Variants in BBX observed in about 807,000 individuals in gnomAD.
The protein encoded by BBX is BBX high mobility group box domain containing.
BBX carries 30 observed loss-of-function variants against 100.2 expected under a neutral mutation model. The ratio of observed to expected loss-of-function variants is 0.30; its 90% CI spans 0.22 to 0.41. BBX has a LOEUF of 0.41. BBX is among the 10% of genes least tolerant of loss of function. The pLI, the probability that BBX is intolerant of heterozygous loss-of-function variation, is 1.00. For synonymous variants in BBX, 376 were observed against 388.1 expected, an observed-to-expected ratio of 0.97 and a Z score of 0.37; for missense variants, 1,023 against 1,129.8, an observed-to-expected ratio of 0.91 and a Z score of 1.35.
intron 9 of BBX, among the ~76,000 whole-genome samples, chr3:107,748,674 C>T (rs1028619937): frequency 2.0e-5 from 3 of 152,132 alleles, no homozygotes; most frequent in Non-Finnish European, 2.9e-5. Context: ...TGGCCTCAAC[C>T]ATATGCTCAT....
intron 10 of BBX, 94 bp from the exon 11 acceptor site, chr3:107,772,534 A>G: frequency 7.7e-7 from 1 of 1,297,342 alleles, no homozygotes; most frequent in Non-Finnish European, 1.0e-6. Context: ...TGTTTTGATT[A>G]TTTTTAAAAC....
chr3:107,749,761 G>A (rs1385857355), intron 9 of BBX, among the ~76,000 whole-genome samples: 1 of 151,892 alleles, frequency 6.6e-6, no homozygotes, highest in Non-Finnish European at 1.5e-5. Flanking sequence ...AGCCTCCTGA[G>A]TAGCTGGGAT....
intron 2 of BBX, among the ~76,000 whole-genome samples, chr3:107,603,580 A>G (rs998567782): frequency 8.2e-5 from 12 of 146,424 alleles, no homozygotes; most frequent in African/African-American, 2.5e-4. Flanking sequence ...GGGTTTCACC[A>G]TGTTGACCAG....
intron 7 of BBX, among the ~76,000 whole-genome samples, chr3:107,736,350 C>T (rs978019035): frequency 2.0e-5 from 3 of 151,450 alleles, no homozygotes; most frequent in African/African-American, 4.8e-5. Context: ...CAAAAATAGG[C>T]GGCAGGGAGC....
chr3:107,766,531 A>G (rs1576702459), intron 10 of BBX, among the ~76,000 whole-genome samples: 1 of 152,288 alleles, frequency 6.6e-6, no homozygotes, highest in East Asian at 1.9e-4. Context: ...TTTTGTCGCC[A>G]AAAAAGCAAT....
intron 5 of BBX, among the ~76,000 whole-genome samples, chr3:107,720,887 T>A (rs2062480549): frequency 6.6e-6 from 1 of 152,108 alleles, no homozygotes; most frequent in Middle Eastern, 3.2e-3. Flanking sequence ...TCATCAGATA[T>A]GGACTCTTTT....
At chr3:107,664,426 T>C (rs1169273163) in intron 3 of BBX, among the ~76,000 whole-genome samples, 1 of 152,242 alleles carries the variant, frequency 6.6e-6, no homozygotes, top group Non-Finnish European at 1.5e-5. Flanking sequence ...AATGATACTT[T>C]GCATGAATGT....
intron 2 of BBX, among the ~76,000 whole-genome samples, chr3:107,576,763 G>A (rs923650138): frequency 2.0e-5 from 3 of 151,918 alleles, no homozygotes; most frequent in African/African-American, 7.3e-5. Flanking sequence ...AACATTAGGG[G>A]CTTATATCTT....
intron 2 of BBX, among the ~76,000 whole-genome samples, chr3:107,582,270 C>T (rs1052028224): frequency 6.6e-6 from 1 of 150,808 alleles, no homozygotes; most frequent in Admixed American, 6.6e-5. Flanking sequence ...ATTTTTAGCA[C>T]GCATATGGCA....
At chr3:107,546,149 G>A (rs552496113) in intron 2 of BBX, among the ~76,000 whole-genome samples, 2 of 152,220 alleles carry the variant, frequency 1.3e-5, no homozygotes, top group South Asian at 2.1e-4. Context: ...ATTAGATAAC[G>A]TTAGTTTGTT....
chr3:107,665,273 C>T (rs762196097), intron 3 of BBX, among the ~76,000 whole-genome samples: 1 of 152,202 alleles, frequency 6.6e-6, no homozygotes, highest in South Asian at 2.1e-4. Context: ...AGGCCGAAAT[C>T]ATGAATACCT....
At chr3:107,583,405 G>A (rs765960049) in intron 2 of BBX, among the ~76,000 whole-genome samples, 1 of 151,848 alleles carries the variant, frequency 6.6e-6, no homozygotes, top group Non-Finnish European at 1.5e-5. Flanking sequence ...TGGAGTAATC[G>A]ATACCTTATT....
At chr3:107,722,483 A>G (rs2062612947) in intron 5 of BBX, among the ~76,000 whole-genome samples, 1 of 152,024 alleles carries the variant, frequency 6.6e-6, no homozygotes, top group African/African-American at 2.4e-5. Context: ...TATACTTGTA[A>G]AAAAACTACT....
At chr3:107,564,479 T>G (rs2050731167) in intron 2 of BBX, among the ~76,000 whole-genome samples, 1 of 152,200 alleles carries the variant, frequency 6.6e-6, no homozygotes. Context: ...GTCATTGATA[T>G]AGGTTGATTC....
At chr3:107,717,971 A>G (rs2062225069) in intron 5 of BBX, among the ~76,000 whole-genome samples, 1 of 151,998 alleles carries the variant, frequency 6.6e-6, no homozygotes, top group Admixed American at 6.6e-5. Flanking sequence ...CAGAGTTTCA[A>G]GACATTTTAT....
intron 6 of BBX, 148 bp from the exon 7 acceptor site, chr3:107,732,808 C>T: frequency 1.6e-6 from 1 of 632,616 alleles, no homozygotes; most frequent in Non-Finnish European, 2.7e-6. Context: ...GTTACTGTTG[C>T]ATAAAGAGTT....
At chr3:107,706,812 T>C (rs1011090932) in intron 3 of BBX, among the ~76,000 whole-genome samples, 1 of 152,214 alleles carries the variant, frequency 6.6e-6, no homozygotes, top group African/African-American at 2.4e-5. Flanking sequence ...TCCTCCTCAT[T>C]GTTGAAGTAA....
In BBX at chr3:107,706,450, G is replaced by C. The variant is rs148229610; in HGVS notation, c.-9-4002G>C. On this transcript the variant is annotated intron_variant, in intron 3 of 17. Transcript: ENST00000325805. ...TGCCATACACAGAAAGGGGGCAAAG[G>C]GGGTACACATGGGTTGGTTTTTTTT... is the stretch of plus-strand genomic sequence containing the variant. 1.6e-3 allele frequency among the ~76,000 whole-genome samples: 242 copies of C among 152,238 alleles called. 5 individuals are homozygous for C. Among genetic ancestry groups the C allele is most frequent in the Admixed American group, 0.015 (229 of 15,288 alleles).
intron 2 of BBX, among the ~76,000 whole-genome samples, chr3:107,598,604 T>TA (rs747643398): frequency 1.3e-5 from 2 of 152,244 alleles, no homozygotes; most frequent in Non-Finnish European, 2.9e-5. Flanking sequence ...AGACTGCAGA[T>TA]ATAATTTATA....
Sources: allele counts gnomAD v4.1 joint callset (sites outside exome capture counted in the v4.1 genomes callset), GRCh38; gene constraint gnomAD v4.1.1; transcripts MANE v1.5; gene names NCBI Gene and HGNC (gene_info 2026-07-23, HGNC 2026-07-21).